AKAP9: variants seen among roughly 807,000 people sequenced by gnomAD.
AKAP9 encodes A-kinase anchoring protein 9.
Under a neutral mutation model 488.5 loss-of-function variants are expected in AKAP9, and 311 were observed. The ratio of observed to expected loss-of-function variants is 0.64; its 90% CI spans 0.58 to 0.70. AKAP9 has a LOEUF of 0.70. Among genes scored for constraint, AKAP9 ranks in the 30% least tolerant of loss-of-function variants. The pLI is 0.00. For synonymous variants in AKAP9, 1,462 were observed against 1,483.5 expected (o/e 0.99, Z 0.33); for missense variants, 4,215 against 4,374.5 (o/e 0.96, Z 1.03).
rs984109487 is a variant in AKAP9 at position 92,001,340 on chromosome 7, T to C, written c.1423T>C (p.Leu475=). The C allele has an allele frequency of 6.2e-7, 1 of 1,613,860 alleles. No homozygotes were observed. The highest frequency in any genetic ancestry group is 1.7e-5 in the Admixed American group (1 of 60,006). Residue 475 remains leucine, a synonymous_variant, in exon 8 of 50, where the codon TTA becomes CTA. Coordinates refer to ENST00000356239, the MANE Select transcript of AKAP9 (RefSeq NM_005751.5). ...GCATAAGGGAGAAATGGAGAATGCTTTAAGGTCATATTCAAATATTACAGT... is the reference window on the plus strand; with the variant it reads ...GCATAAGGGAGAAATGGAGAATGCTCTAAGGTCATATTCAAATATTACAGT... ...TRHKGEMENA[L]RSYSNITVNE...
intron 11 of AKAP9, 99 bp from the exon 12 acceptor site, chr7:92,016,918 G>A (rs1195579563): frequency 1.0e-5 from 9 of 882,570 alleles, no homozygotes; most frequent in Non-Finnish European, 1.6e-5. Flanking sequence ...CTTCTAGCAG[G>A]CAATTTTTTT....
intron 3 of AKAP9, among the ~76,000 whole-genome samples, chr7:91,988,297 CAAAAAAAAAAA>C (rs5885797): frequency 0.048 from 2,573 of 53,652 alleles, 55 homozygotes; most frequent in Non-Finnish European, 0.063. Context: ...GACCCCCTCT[CAAAAAAAAAAA>C]AAAAAAAAAA....
At chr7:91,984,346 A>G (rs910984692) in intron 3 of AKAP9, among the ~76,000 whole-genome samples, 5 of 152,208 alleles carry the variant, frequency 3.3e-5, no homozygotes, top group Admixed American at 2.0e-4. Context: ...TTTTCTGCAT[A>G]TGGCTAGCCA....
intron 31 of AKAP9, among the ~76,000 whole-genome samples, chr7:92,081,969 CT>C (rs1194324052): frequency 2.8e-4 from 43 of 152,140 alleles, no homozygotes; most frequent in African/African-American, 9.9e-4. Context: ...AGTAATATAA[CT>C]TTCTTTTTTT....
intron 1 of AKAP9, among the ~76,000 whole-genome samples, chr7:91,962,520 G>A (rs1793848499): frequency 6.6e-6 from 1 of 151,980 alleles, no homozygotes; most frequent in Admixed American, 6.6e-5. Context: ...ATTGCTTAGT[G>A]GTGACTTTTC....
chr7:92,095,091 A>C lies in AKAP9; in HGVS notation c.9647A>C (p.Lys3216Thr). The C allele has an allele frequency of 6.2e-7, 1 of 1,614,204 alleles. No individual in the cohort carries two copies. Among genetic ancestry groups the C allele is most frequent in the Non-Finnish European group, 8.5e-7 (1 of 1,180,032 alleles). The change falls in exon 40 of 50, where the codon AAA becomes ACA. Residue 3216 changes from lysine to threonine, a missense_variant. Lys to Thr is a moderately conservative substitution (Grantham distance 78, BLOSUM62 -1). This residue lies in a region of AKAP9 where 1,476 missense variants were observed against 1,477.4 expected (regional missense o/e 1.00). Coordinates refer to ENST00000356239, the MANE Select transcript of AKAP9 (RefSeq NM_005751.5). Reference protein sequence around the residue: ...LNDTLASEQKKSRELQWALEK... With the variant: ...LNDTLASEQKTSRELQWALEK... ...GACACATTAGCAAGTGAACAGAAAA[A>C]ATCAAGAGAGCTCCAGTGGGCTTTG... is the stretch of plus-strand genomic sequence containing the variant.
chr7:92,070,138 G>C lies in AKAP9; in HGVS notation c.6439G>C (p.Glu2147Gln), dbSNP rs373725997. The change falls in exon 27 of 50, where the codon GAG becomes CAG. Residue 2147 changes from glutamate (E) to glutamine (Q), a missense_variant. Transcript: ENST00000356239. ...TATACAAGAAAGGAATGAAGAAATA[G>C]AGAAACTGGAGTTCAGAGTAAGAGA... ...RDIQERNEEI[E>Q]KLEFRVRELE... 6 of 1,613,992 alleles carry C rather than the reference G, an allele frequency of 3.7e-6. No homozygotes were observed. Among genetic ancestry groups the C allele is most frequent in the Non-Finnish European group, 5.1e-6 (6 of 1,179,994 alleles).
Position 92,093,095 on chromosome 7 carries a change from A to G in AKAP9, c.9359-2A>G. The stretch of plus-strand genomic sequence containing the variant: ...TTCAAATATTAATCATGTTCTGTGT[A>G]GAACTCTTGGAATATAATATACAGC... On this transcript the variant is annotated splice_acceptor_variant, in intron 38 of 49. Transcript: ENST00000356239. LOFTEE classifies it high-confidence loss of function. 1 of 1,609,794 alleles carries G rather than the reference A, an allele frequency of 6.2e-7. No individual in the cohort carries two copies. Among genetic ancestry groups the G allele is most frequent in the Non-Finnish European group, 8.5e-7 (1 of 1,176,170 alleles).
chr7:91,967,647 AT>A (rs1794582745), intron 1 of AKAP9, among the ~76,000 whole-genome samples: 1 of 152,176 alleles, frequency 6.6e-6, no homozygotes, highest in African/African-American at 2.4e-5. Context: ...TTTGGGATGA[AT>A]CCCGCTTGAT....
chr7:91,950,291 A>G (rs1332155453), intron 1 of AKAP9, among the ~76,000 whole-genome samples: 6 of 141,284 alleles, frequency 4.2e-5, no homozygotes, highest in Non-Finnish European at 9.0e-5. Flanking sequence ...GTGCAGTGGC[A>G]CTATCTCGGC....
chr7:91,941,273 T>A, intron 1 of AKAP9, 126 bp downstream of exon 1: 1 of 871,804 alleles, frequency 1.1e-6, no homozygotes, highest in East Asian at 2.5e-5. Flanking sequence ...TGCTGCAGGG[T>A]CTTAGGGTCT....
At chr7:91,988,680 A>T (rs907124098) in intron 3 of AKAP9, among the ~76,000 whole-genome samples, 1 of 152,196 alleles carries the variant, frequency 6.6e-6, no homozygotes, top group African/African-American at 2.4e-5. Context: ...TAAATAGGGC[A>T]ATAAGATGTA....
At chr7:91,972,548 C>T (rs1795224209) in intron 1 of AKAP9, among the ~76,000 whole-genome samples, 1 of 152,190 alleles carries the variant, frequency 6.6e-6, no homozygotes, top group Non-Finnish European at 1.5e-5. Context: ...AGTTTTTTCA[C>T]TTCTCCATGG....
intron 14 of AKAP9, among the ~76,000 whole-genome samples, chr7:92,029,630 C>G (rs907272877): frequency 2.6e-5 from 4 of 152,082 alleles, no homozygotes; most frequent in African/African-American, 9.7e-5. Context: ...AAAAAACAGT[C>G]GGTACTTATG....
chr7:91,987,262 A>T (rs886948814), intron 3 of AKAP9, among the ~76,000 whole-genome samples: 3 of 152,064 alleles, frequency 2.0e-5, no homozygotes, highest in East Asian at 3.9e-4. Context: ...TACTAAAAAT[A>T]ACAAAAATTA....
intron 16 of AKAP9, among the ~76,000 whole-genome samples, chr7:92,038,179 A>G (rs1805497818): frequency 6.6e-6 from 1 of 152,180 alleles, no homozygotes; most frequent in African/African-American, 2.4e-5. Context: ...TGTCTGTTAT[A>G]ATAAGAAAAC....
At chr7:91,951,582 C>T (rs1458379721) in intron 1 of AKAP9, among the ~76,000 whole-genome samples, 1 of 152,206 alleles carries the variant, frequency 6.6e-6, no homozygotes, top group Non-Finnish European at 1.5e-5. Context: ...ACCTTGGCCT[C>T]CCAGTGTGCT....
chr7:92,055,615 C>CT (rs531845792), intron 22 of AKAP9, among the ~76,000 whole-genome samples: 132 of 152,164 alleles, frequency 8.7e-4, no homozygotes, highest in African/African-American at 3.1e-3. Context: ...TCTTGATTAT[C>CT]TGAAACCTGG....
In AKAP9 at chr7:92,084,956, T is replaced by C. The variant is rs1814262566; in HGVS notation, c.8832+16T>C. 2 of 1,611,110 alleles carry C rather than the reference T, an allele frequency of 1.2e-6. No homozygotes were observed. Among genetic ancestry groups the C allele is most frequent in the Non-Finnish European group, 1.7e-6 (2 of 1,178,340 alleles). On this transcript the variant is annotated intron_variant, in intron 35 of 49. Coordinates refer to ENST00000356239, the MANE Select transcript of AKAP9 (RefSeq NM_005751.5). The stretch of plus-strand genomic sequence containing the variant: ...GAAAATAAAGGTACTAAAAGATAGA[T>C]ACCTTTTATTAACTCAGCCAGTGTT...
Sources: gnomAD v4.1 joint callset for allele counts (sites outside exome capture counted in the v4.1 genomes callset) on GRCh38, gnomAD v4.1.1 for gene constraint, gnomAD v4.1.1 regional missense constraint, MANE v1.5 for transcripts, NCBI Gene and HGNC (gene_info 2026-07-23, HGNC 2026-07-21) for gene names.